Variants in LUZP2 observed in about 807,000 individuals in gnomAD.
LUZP2 encodes the protein leucine zipper protein 2.
A neutral mutation model predicts 51.6 loss-of-function variants in LUZP2; 52 were observed. That is an observed-to-expected ratio of 1.01 (90% CI 0.81 to 1.27). LUZP2 has a LOEUF of 1.27. Among genes scored for constraint, LUZP2 ranks in the 50% most tolerant of loss-of-function variants. LUZP2 has a pLI of 0.00. For missense variants in LUZP2, 436 were observed against 395.4 expected (o/e 1.10, Z -0.87); for synonymous variants, 154 against 137.3 (o/e 1.12, Z -0.85).
intron 4 of LUZP2, among the ~76,000 whole-genome samples, chr11:24,743,905 C>T (rs1007497793): frequency 2.6e-5 from 4 of 151,976 alleles, no homozygotes; most frequent in Admixed American, 1.3e-4. Context: ...CATAAAGGGA[C>T]GCTGGGTTTT....
intron 1 of LUZP2, among the ~76,000 whole-genome samples, chr11:24,683,820 T>C (rs1292087943): frequency 1.3e-5 from 2 of 152,152 alleles, no homozygotes; most frequent in African/African-American, 4.8e-5. Flanking sequence ...TCTATTATGA[T>C]AAATCTCAGT....
At chr11:24,808,493 C>A (rs951528877) in intron 5 of LUZP2, among the ~76,000 whole-genome samples, 38 of 152,082 alleles carry the variant, frequency 2.5e-4, no homozygotes, top group African/African-American at 8.2e-4. Flanking sequence ...AACAGTTTTT[C>A]CAACTTTATA....
chr11:25,011,385 A>G (rs955564474), intron 9 of LUZP2, among the ~76,000 whole-genome samples: 1 of 152,098 alleles, frequency 6.6e-6, no homozygotes, highest in African/African-American at 2.4e-5. Context: ...GAACATTTTT[A>G]TGCTCTTCTC....
At chr11:24,927,684 A>G (rs962401241) in intron 7 of LUZP2, among the ~76,000 whole-genome samples, 1 of 151,606 alleles carries the variant, frequency 6.6e-6, no homozygotes, top group African/African-American at 2.4e-5. Context: ...GTGCCTCCAG[A>G]TTTGTTCTTT....
intron 7 of LUZP2, among the ~76,000 whole-genome samples, chr11:24,969,885 T>A (rs534047676): frequency 6.6e-6 from 1 of 152,270 alleles, no homozygotes; most frequent in African/African-American, 2.4e-5. Flanking sequence ...TCTGGTTTTC[T>A]GAGTTTTGGT....
At chr11:24,640,566 A>C (rs992424805) in intron 1 of LUZP2, among the ~76,000 whole-genome samples, 6 of 151,932 alleles carry the variant, frequency 3.9e-5, no homozygotes, top group African/African-American at 1.5e-4. Flanking sequence ...CAAAAGATAA[A>C]ATACTTTATT....
At chr11:24,916,989 G>A (rs1455202137) in intron 7 of LUZP2, among the ~76,000 whole-genome samples, 1 of 152,094 alleles carries the variant, frequency 6.6e-6, no homozygotes, top group Non-Finnish European at 1.5e-5. Flanking sequence ...ATCCTCTCCA[G>A]CACCTGTTGT....
chr11:25,032,725 T>C (rs1328991120), intron 9 of LUZP2, among the ~76,000 whole-genome samples: 2 of 152,160 alleles, frequency 1.3e-5, no homozygotes, highest in African/African-American at 4.8e-5. Context: ...AAATATCAAA[T>C]TGAATAAAAG....
At chr11:24,646,483 C>A (rs1855466648) in intron 1 of LUZP2, 3 of 506,714 alleles carry the variant, frequency 5.9e-6, no homozygotes, top group Admixed American at 6.4e-5. Flanking sequence ...AGTTTCCTAT[C>A]TTAATGCTTT....
chr11:24,643,361 A>C (rs1313182617), intron 1 of LUZP2, among the ~76,000 whole-genome samples: 1 of 151,996 alleles, frequency 6.6e-6, no homozygotes, highest in Non-Finnish European at 1.5e-5. Context: ...GAAGTACTTC[A>C]AAAGTTAAAC....
chr11:24,588,857 A>T (rs993681854), intron 1 of LUZP2, among the ~76,000 whole-genome samples: 22 of 151,932 alleles, frequency 1.4e-4, no homozygotes, highest in South Asian at 8.3e-4. Flanking sequence ...ATTTTTTTTT[A>T]AAAAAAGAAG....
At chr11:24,815,577 A>G (rs1424971347) in intron 5 of LUZP2, among the ~76,000 whole-genome samples, 1 of 152,156 alleles carries the variant, frequency 6.6e-6, no homozygotes, top group Admixed American at 6.5e-5. Context: ...CTGATTCTAG[A>G]AGATACTTGC....
At position 24,904,015 on chromosome 11, in the gene LUZP2, T is replaced by C. The variant is rs140681264; in HGVS notation, c.397-1976T>C. Among the ~76,000 whole-genome samples, 1,417 of 152,232 alleles carry C rather than the reference T, an allele frequency of 9.3e-3. 13 individuals carry two copies. The highest frequency in any genetic ancestry group is 0.037 in the South Asian group (180 of 4,820). ...CCAGTAATGGGGTTGCTGGATTACA[T>C]AGTAATCAATTTTTAATTTTTTGAG... is the stretch of plus-strand genomic sequence containing the variant. On this transcript the variant is annotated intron_variant, in intron 5 of 11. Coordinates refer to ENST00000336930, the MANE Select transcript of LUZP2 (RefSeq NM_001009909.4).
At chr11:25,050,417 G>C (rs890285853) in intron 10 of LUZP2, among the ~76,000 whole-genome samples, 2 of 144,754 alleles carry the variant, frequency 1.4e-5, no homozygotes, top group South Asian at 4.4e-4. Flanking sequence ...CCATTCTCCT[G>C]CCTCAGCCTC....
chr11:24,797,352 T>C (rs543257068), intron 5 of LUZP2, among the ~76,000 whole-genome samples: 93 of 152,296 alleles, frequency 6.1e-4, no homozygotes, highest in African/African-American at 2.2e-3. Context: ...GCCAGGAAGA[T>C]GATGAAGGCA....
chr11:24,789,580 A>G (rs1590530751), intron 5 of LUZP2, among the ~76,000 whole-genome samples: 1 of 152,214 alleles, frequency 6.6e-6, no homozygotes, highest in Non-Finnish European at 1.5e-5. Flanking sequence ...ATCTATCAGC[A>G]TTGCTACCTG....
At chr11:25,035,603 C>G (rs1038162026) in intron 9 of LUZP2, among the ~76,000 whole-genome samples, 1 of 152,016 alleles carries the variant, frequency 6.6e-6, no homozygotes, top group Non-Finnish European at 1.5e-5. Flanking sequence ...AAAAATTGAC[C>G]ATTATGCCCA....
At chr11:24,862,361 T>C (rs1851765689) in intron 5 of LUZP2, among the ~76,000 whole-genome samples, 1 of 152,186 alleles carries the variant, frequency 6.6e-6, no homozygotes, top group South Asian at 2.1e-4. Flanking sequence ...GGTATTTCAT[T>C]ACCACCAGGC....
At chr11:24,650,553 AG>A (rs1215419520) in intron 1 of LUZP2, among the ~76,000 whole-genome samples, 1 of 152,084 alleles carries the variant, frequency 6.6e-6, no homozygotes, top group African/African-American at 2.4e-5. Context: ...GGCAGAAGCC[AG>A]CTGTGGCAGA....
Sources: allele counts gnomAD v4.1 joint callset (sites outside exome capture counted in the v4.1 genomes callset), GRCh38; gene constraint gnomAD v4.1.1; transcripts MANE v1.5; gene names NCBI Gene and HGNC (gene_info 2026-07-23, HGNC 2026-07-21).